Variants in ZNF883 observed in about 807,000 individuals in gnomAD.
ZNF883 encodes zinc finger protein 883.
intron 2 of ZNF883, among the ~76,000 whole-genome samples, chr9:113,009,454 T>C (rs142062853): frequency 1.2e-4 from 19 of 152,030 alleles, no homozygotes; most frequent in Non-Finnish European, 2.4e-4. Flanking sequence ...TTGCTTCTGC[T>C]GAGGAACTTA....
chr9:113,009,319 C>T (rs1372499015), intron 2 of ZNF883, among the ~76,000 whole-genome samples: 1 of 152,142 alleles, frequency 6.6e-6, no homozygotes, highest in Non-Finnish European at 1.5e-5. Context: ...GTGGTCTGCA[C>T]GCCTTACCTC....
exon 1 of ZNF883, chr9:112,997,884 G>A (rs1427768415): frequency 6.2e-7 from 1 of 1,613,562 alleles, no homozygotes; most frequent in South Asian, 1.1e-5. Context: ...TCATTACAAG[G>A]ATAGGGTTTT....
intron 2 of ZNF883, among the ~76,000 whole-genome samples, chr9:113,007,180 CA>C (rs1306276395): frequency 1.3e-5 from 2 of 152,192 alleles, no homozygotes; most frequent in African/African-American, 4.8e-5. Context: ...GGCAACACAG[CA>C]AGACTCCGTC....
intron 1 of ZNF883, among the ~76,000 whole-genome samples, chr9:113,011,761 C>A (rs1828541153): frequency 6.6e-6 from 1 of 152,166 alleles, no homozygotes; most frequent in African/African-American, 2.4e-5. Flanking sequence ...ATTCCCAGGT[C>A]TACCTACCAC....
At chr9:113,008,630 G>A (rs2118628039) in intron 2 of ZNF883, among the ~76,000 whole-genome samples, 1 of 152,102 alleles carries the variant, frequency 6.6e-6, no homozygotes, top group East Asian at 1.9e-4. Flanking sequence ...CTATTTTTCT[G>A]AAAAATTATG....
chr9:112,989,827 T>C (rs1828284484), intron 1 of ZNF883, among the ~76,000 whole-genome samples: 2 of 152,200 alleles, frequency 1.3e-5, no homozygotes, highest in African/African-American at 2.4e-5. Flanking sequence ...CTTGAAGAGG[T>C]CCTTCACTTC....
downstream of ZNF883, chr9:112,996,975 C>T: frequency 1.5e-6 from 1 of 688,718 alleles, no homozygotes; most frequent in Non-Finnish European, 2.2e-6. Flanking sequence ...TAAGCATAGT[C>T]CTTCTTCTCA....
exon 1 of ZNF883, chr9:112,997,677 A>G: frequency 6.2e-7 from 1 of 1,612,688 alleles, no homozygotes; most frequent in Non-Finnish European, 8.5e-7. Context: ...CGGATTAGTG[A>G]TGTACTGTGG....
downstream of ZNF883, among the ~76,000 whole-genome samples, chr9:112,992,260 C>G (rs919068547): frequency 1.8e-4 from 27 of 152,180 alleles, no homozygotes; most frequent in African/African-American, 6.5e-4. Context: ...TTCAGGAGCT[C>G]TTGCAAGGGA....
intron 2 of ZNF883, among the ~76,000 whole-genome samples, chr9:113,006,934 G>A (rs1037570705): frequency 2.0e-5 from 3 of 151,906 alleles, no homozygotes; most frequent in Non-Finnish European, 2.9e-5. Flanking sequence ...AGTGGCTCAC[G>A]CCTGTAATCC....
At chr9:112,994,299 C>A (rs1828328547), downstream of ZNF883, among the ~76,000 whole-genome samples, 1 of 151,810 alleles carries the variant, frequency 6.6e-6, no homozygotes, top group African/African-American at 2.4e-5. Context: ...TGCTTTTCCT[C>A]ACTCTCCGTG....
At chr9:113,006,388 C>T (rs1378610331) in intron 2 of ZNF883, among the ~76,000 whole-genome samples, 2 of 152,118 alleles carry the variant, frequency 1.3e-5, no homozygotes, top group Non-Finnish European at 2.9e-5. Context: ...GCTAACAACC[C>T]CTGCTCCCCA....
chr9:113,011,020 T>G (rs1828532890), intron 2 of ZNF883, 121 bp downstream of exon 2: 2 of 149,988 alleles, frequency 1.3e-5, no homozygotes, highest in Admixed American at 1.3e-4. Context: ...GAGCAAATAA[T>G]GAGCAATAAA....
At chr9:113,005,510 T>C (rs1016588694) in intron 2 of ZNF883, among the ~76,000 whole-genome samples, 1 of 152,190 alleles carries the variant, frequency 6.6e-6, no homozygotes, top group African/African-American at 2.4e-5. Context: ...CAGTATTCAG[T>C]ACTGTTTTAA....
chr9:113,006,769 C>A (rs1828481224), intron 2 of ZNF883, among the ~76,000 whole-genome samples: 1 of 152,162 alleles, frequency 6.6e-6, no homozygotes, highest in South Asian at 2.1e-4. Flanking sequence ...CTCTCTTCTT[C>A]TACAGCTAAG....
exon 1 of ZNF883, chr9:112,998,037 CACATTCATT>C (rs1476119963): frequency 1.2e-6 from 2 of 1,613,888 alleles, no homozygotes; most frequent in Non-Finnish European, 1.7e-6. Context: ...AAAGCTTTCC[CACATTCATT>C]ACATTCATAA....
At chr9:113,008,052 AC>A (rs11367655) in intron 2 of ZNF883, among the ~76,000 whole-genome samples, 7,772 of 152,302 alleles carry the variant, frequency 0.051, 296 homozygotes, top group African/African-American at 0.099. Context: ...CATTCAAATG[AC>A]CCTGAGTCCT....
chr9:113,007,634 A>G (rs1051518976), intron 2 of ZNF883, among the ~76,000 whole-genome samples: 2 of 152,250 alleles, frequency 1.3e-5, no homozygotes, highest in Non-Finnish European at 2.9e-5. Context: ...TTGTTAGAAC[A>G]GTAAAGACAG....
chr9:112,993,191 T>G (rs1828317692), downstream of ZNF883, among the ~76,000 whole-genome samples: 1 of 152,232 alleles, frequency 6.6e-6, no homozygotes, highest in African/African-American at 2.4e-5. Context: ...TTTTTGTTGA[T>G]TCTTTCTCAT....
Sources: allele counts gnomAD v4.1 joint callset (sites outside exome capture counted in the v4.1 genomes callset), GRCh38; gene constraint gnomAD v4.1.1; transcripts MANE v1.5; gene names NCBI Gene and HGNC (gene_info 2026-07-23, HGNC 2026-07-21).